The following FUBP3 variants were observed in gnomAD, a reference collection of about 807,000 sequenced individuals.
FUBP3 encodes far upstream element-binding protein 3.
FUBP3 carries 28 observed loss-of-function variants against 85.6 expected under a neutral mutation model. The ratio of observed to expected loss-of-function variants is 0.33; its 90% CI spans 0.24 to 0.45. The LOEUF (loss-of-function observed/expected upper bound fraction) is 0.45. Among genes scored for constraint, FUBP3 ranks in the 20% least tolerant of loss-of-function variants. FUBP3 has a pLI of 1.00. For missense variants in FUBP3, 583 were observed against 755.1 expected (o/e 0.77, Z 2.67); for synonymous variants, 271 against 271.4 (o/e 1.00, Z 0.01).
rs778690581 is a variant in FUBP3 at position 130,634,657 on chromosome 9, C to G, written c.1511-10C>G. ...CGTAAGGCCTGACTGCTTTTGTGTT[C>G]TTCGCACAGGCCAGCAGAGCCAGCC... On this transcript the variant is annotated splice_polypyrimidine_tract_variant and intron_variant, in intron 16 of 18. Coordinates refer to ENST00000319725, the MANE Select transcript of FUBP3 (RefSeq NM_003934.2). 7 of 1,612,096 alleles carry G rather than the reference C, an allele frequency of 4.3e-6. No individual in the cohort carries two copies. The highest frequency in any genetic ancestry group is 5.9e-6 in the Non-Finnish European group (7 of 1,179,432).
At chr9:130,620,745 T>A (rs1829712174) in intron 9 of FUBP3, among the ~76,000 whole-genome samples, 1 of 152,180 alleles carries the variant, frequency 6.6e-6, no homozygotes, top group Admixed American at 6.5e-5. Flanking sequence ...GTTTTCTTGG[T>A]GATGTATATC....
At chr9:130,605,390 A>G (rs1222696372) in intron 2 of FUBP3, among the ~76,000 whole-genome samples, 2 of 152,264 alleles carry the variant, frequency 1.3e-5, no homozygotes, top group Non-Finnish European at 2.9e-5. Flanking sequence ...TTAATAGCAC[A>G]AAATTAAACA....
intron 12 of FUBP3, among the ~76,000 whole-genome samples, chr9:130,628,177 C>T (rs896495682): frequency 1.3e-5 from 2 of 152,090 alleles, no homozygotes; most frequent in African/African-American, 2.4e-5. Flanking sequence ...TTGAGATGGG[C>T]GCCTGGGCAA....
chr9:130,579,631 C>A lies in FUBP3; in HGVS notation c.-50C>A. On this transcript the variant is annotated 5_prime_UTR_variant, in exon 1 of 19. Transcript: ENST00000319725. ...CGGGAGGCCGGACCGGGGAGCCGAG[C>A]GGCGGCGTCGGCGGCGTCGGCGGCG... is the stretch of plus-strand genomic sequence containing the variant. The A allele has an allele frequency of 9.3e-7, 1 of 1,077,338 alleles. No individual in the cohort carries two copies. The allele number at this position is 1,077,338 out of a possible 1,614,324, so 66.7% of individuals were successfully genotyped here.
intron 6 of FUBP3, among the ~76,000 whole-genome samples, chr9:130,615,999 G>C (rs1157546611): frequency 6.6e-6 from 1 of 152,146 alleles, no homozygotes; most frequent in East Asian, 1.9e-4. Context: ...CATGTTGGAT[G>C]GGGGAACAGA....
At chr9:130,632,347 A>ATC in intron 16 of FUBP3, 69 bp downstream of exon 16, 1 of 1,219,120 alleles carries the variant, frequency 8.2e-7, no homozygotes. Context: ...CCTGGGGCCA[A>ATC]AACGCCCTCG....
chr9:130,614,392 C>T (rs1374481313), intron 6 of FUBP3, 47 bp downstream of exon 6: 2 of 1,231,384 alleles, frequency 1.6e-6, no homozygotes, highest in East Asian at 4.7e-5. Context: ...TTCCTCCTTC[C>T]CCAAATGGGG....
chr9:130,584,522 TTGTCTCA>T (rs1830262927), intron 1 of FUBP3, among the ~76,000 whole-genome samples: 1 of 150,528 alleles, frequency 6.6e-6, no homozygotes, highest in Non-Finnish European at 1.5e-5. Flanking sequence ...GAGCAAAACT[TTGTCTCA>T]AAAAACAAAA....
At chr9:130,585,058 G>T (rs1295805490) in intron 1 of FUBP3, among the ~76,000 whole-genome samples, 2 of 152,128 alleles carry the variant, frequency 1.3e-5, no homozygotes, top group East Asian at 3.8e-4. Context: ...TACTCGAGAG[G>T]CTGAACCACG....
intron 10 of FUBP3, 62 bp from the exon 11 acceptor site, chr9:130,623,549 A>T: frequency 9.4e-7 from 1 of 1,059,898 alleles, no homozygotes; most frequent in Non-Finnish European, 1.5e-6. Flanking sequence ...GAATCAGATT[A>T]ATCCTTGTTT....
Position 130,635,059 on chromosome 9 carries a change from G to A in FUBP3, c.1582+321G>A, listed in dbSNP as rs1246684354. Among the ~76,000 whole-genome samples the A allele has an allele frequency of 6.6e-6, 1 of 152,146 alleles. No individual in the cohort carries two copies. The highest frequency in any genetic ancestry group is 1.5e-5 in the Non-Finnish European group (1 of 68,034). On this transcript the variant is annotated intron_variant, in intron 17 of 18. Coordinates refer to ENST00000319725, the MANE Select transcript of FUBP3 (RefSeq NM_003934.2). This position sits in a 1 kb window ranked among gnomAD's most constrained non-coding sequence, Gnocchi z 4.3. ...TCAGCTGGCGTCTGGTCTCCTTAGG[G>A]ACTGAAAGATTCCGGCTGGGTGCCA...
chr9:130,619,755 G>T (rs1588150307), intron 8 of FUBP3, among the ~76,000 whole-genome samples: 1 of 152,210 alleles, frequency 6.6e-6, no homozygotes, highest in Non-Finnish European at 1.5e-5. Context: ...ACTTGAATCT[G>T]CCTGGGATAT....
chr9:130,631,301 C>T, intron 13 of FUBP3: 1 of 1,380,490 alleles, frequency 7.2e-7, no homozygotes, highest in Non-Finnish European at 9.3e-7. Context: ...CAGGTTGGTC[C>T]CTACCCCCAG....
intron 11 of FUBP3, among the ~76,000 whole-genome samples, chr9:130,623,919 C>T (rs768754951): frequency 1.3e-5 from 2 of 152,160 alleles, no homozygotes; most frequent in Non-Finnish European, 2.9e-5. Context: ...TTTACCTCAC[C>T]ATCTAGATTG....
intron 13 of FUBP3, chr9:130,631,314 T>C: frequency 7.2e-7 from 1 of 1,390,344 alleles, no homozygotes; most frequent in Non-Finnish European, 9.3e-7. Context: ...ACCCCCAGGG[T>C]GATGCCAGGG....
intron 1 of FUBP3, among the ~76,000 whole-genome samples, chr9:130,591,687 A>T (rs1830632036): frequency 1.3e-5 from 2 of 152,198 alleles, no homozygotes. Context: ...CCCAGCTGTT[A>T]TTCTGTACTA....
chr9:130,627,422 C>T (rs980965023), intron 12 of FUBP3, among the ~76,000 whole-genome samples: 4 of 152,210 alleles, frequency 2.6e-5, no homozygotes, highest in African/African-American at 7.2e-5. Flanking sequence ...GCTTGAGGGG[C>T]GCTCGTATTG....
intron 2 of FUBP3, chr9:130,596,672 A>T (rs922706404): frequency 6.6e-6 from 3 of 454,650 alleles, no homozygotes; most frequent in Admixed American, 5.0e-5. Context: ...GTACGTTTTT[A>T]AATCCTCCAG....
intron 12 of FUBP3, among the ~76,000 whole-genome samples, 195 bp from the exon 13 acceptor site, chr9:130,630,433 T>A (rs1830165168): frequency 6.6e-6 from 1 of 152,202 alleles, no homozygotes; most frequent in Non-Finnish European, 1.5e-5. Context: ...TCCAAACAGC[T>A]AGTTTTGCAA....
Sources: gnomAD v4.1 joint callset for allele counts (sites outside exome capture counted in the v4.1 genomes callset) on GRCh38, gnomAD v4.1.1 for gene constraint, Gnocchi (gnomAD v3.1) non-coding constraint, MANE v1.5 for transcripts, NCBI Gene and HGNC (gene_info 2026-07-23, HGNC 2026-07-21) for gene names.